Variants in IL1R2 observed in about 807,000 individuals in gnomAD.
The protein encoded by IL1R2 is interleukin-1 receptor type 2.
Under a neutral mutation model 39.5 loss-of-function variants are expected in IL1R2, and 46 were observed. The ratio of observed to expected loss-of-function variants is 1.16; its 90% CI spans 0.92 to 1.49. The LOEUF is 1.49. IL1R2 is among the 40% of genes most tolerant of loss of function. The pLI, the probability that IL1R2 is intolerant of heterozygous loss-of-function variation, is 0.00. For synonymous variants in IL1R2, 207 were observed against 189.6 expected, an observed-to-expected ratio of 1.09 and a Z score of -0.75; for missense variants, 537 against 502.0, an observed-to-expected ratio of 1.07 and a Z score of -0.67.
rs927779010 is a variant in IL1R2, at chr2:102,003,132, G to C, written c.-61-5383G>C. 4.3e-5 allele frequency among the ~76,000 whole-genome samples: 5 copies of C among 117,418 alleles called. 1 individual carries two copies. The highest frequency in any genetic ancestry group is 1.3e-4 in the African/African-American group (5 of 37,796). The allele number at this position is 117,418 out of a possible 152,430, so 77.0% of individuals were successfully genotyped here. ...TATGTCTGTGTCTGTGTCTCTGTCTGTGTCTATGTCTGTGTCTGTGTCTCT... is the reference window on the plus strand; with the variant it reads ...TATGTCTGTGTCTGTGTCTCTGTCTCTGTCTATGTCTGTGTCTGTGTCTCT... On this transcript the variant is annotated intron_variant, in intron 1 of 8. Coordinates refer to ENST00000332549, the MANE Select transcript of IL1R2 (RefSeq NM_004633.4).
At chr2:102,004,300 T>C (rs1676127308) in intron 1 of IL1R2, among the ~76,000 whole-genome samples, 1 of 151,932 alleles carries the variant, frequency 6.6e-6, no homozygotes, top group Non-Finnish European at 1.5e-5. Context: ...CAGGTAACGG[T>C]TACCTGGGCC....
At chr2:102,003,753 T>A (rs1676072064) in intron 1 of IL1R2, among the ~76,000 whole-genome samples, 1 of 152,040 alleles carries the variant, frequency 6.6e-6, no homozygotes, top group Admixed American at 6.5e-5. Context: ...GGTGTCTGTG[T>A]CTGTGTCTAG....
intron 1 of IL1R2, among the ~76,000 whole-genome samples, chr2:101,992,508 C>T (rs1314196322): frequency 7.5e-6 from 1 of 133,322 alleles, no homozygotes. Context: ...TGGAGAGAGA[C>T]AGAGAGAGGC....
At chr2:102,014,915 A>C (rs1433115450) in intron 3 of IL1R2, among the ~76,000 whole-genome samples, 1 of 150,504 alleles carries the variant, frequency 6.6e-6, no homozygotes, top group Non-Finnish European at 1.5e-5. Context: ...TCTTGATAGA[A>C]TTATGGCAGT....
At chr2:102,002,753 T>TCTATAC (rs1192925120) in intron 1 of IL1R2, among the ~76,000 whole-genome samples, 4 of 146,054 alleles carry the variant, frequency 2.7e-5, no homozygotes, top group African/African-American at 1.1e-4. Flanking sequence ...TATGTCTATA[T>TCTATAC]CTATATCTAT....
Position 101,996,432 on chromosome 2 carries a change from G to A in IL1R2, c.-62+4421G>A, listed in dbSNP as rs1675589663. On this transcript the variant is annotated intron_variant, in intron 1 of 8. Transcript: ENST00000332549. ...TGAAGATCAGGTTTTCTTTTGCTGA[G>A]GGTGAGAGATTTTCCCACACAGTAG... 2.6e-5 allele frequency among the ~76,000 whole-genome samples: 4 copies of A among 151,560 alleles called. No homozygotes were observed. In the South Asian group the frequency reaches 8.3e-4, roughly 32 times the overall value.
chr2:101,994,723 C>T (rs114384080), intron 1 of IL1R2, among the ~76,000 whole-genome samples: 2,299 of 152,248 alleles, frequency 0.015, 59 homozygotes, highest in African/African-American at 0.053. Flanking sequence ...TCCTGAGGGT[C>T]TTGTGAATAT....
intron 1 of IL1R2, among the ~76,000 whole-genome samples, chr2:102,002,315 TG>T (rs1675905868): frequency 8.5e-6 from 1 of 117,496 alleles, no homozygotes; most frequent in East Asian, 4.1e-4. Context: ...TGTCTGTGTC[TG>T]TGTCTGTGTC....
chr2:102,001,635 T>C (rs1333144837), intron 1 of IL1R2, among the ~76,000 whole-genome samples: 1 of 152,228 alleles, frequency 6.6e-6, no homozygotes, highest in African/African-American at 2.4e-5. Context: ...AGCACATTTT[T>C]CAATAAAAGC....
At chr2:102,013,178 A>G (rs2110562) in intron 3 of IL1R2, among the ~76,000 whole-genome samples, 94,747 of 151,976 alleles carry the variant, frequency 0.62, 30,753 homozygotes, top group African/African-American at 0.79. Context: ...AGGAAAAAAA[A>G]AGCTGAGATT....
intron 3 of IL1R2, among the ~76,000 whole-genome samples, chr2:102,013,576 G>GAAAAAAAAAA (rs1559421494): frequency 1.8e-5 from 1 of 54,720 alleles, no homozygotes; most frequent in Non-Finnish European, 4.0e-5. Flanking sequence ...AGAAAAGAAG[G>GAAAAAAAAAA]AAAAGAAAAA....
intron 4 of IL1R2, among the ~76,000 whole-genome samples, chr2:102,018,530 C>T (rs954233853): frequency 6.6e-6 from 1 of 152,224 alleles, no homozygotes; most frequent in African/African-American, 2.4e-5. Context: ...AATAAATGTG[C>T]ATGGACAAAG....
Position 102,008,539 on chromosome 2 carries a change from C to T in IL1R2, c.-37C>T, listed in dbSNP as rs374091195. 110 of 1,581,854 alleles carry T rather than the reference C, an allele frequency of 7.0e-5. No homozygotes were observed. In the African/African-American group the frequency reaches 1.3e-3, roughly 19 times the overall value. The stretch of plus-strand genomic sequence containing the variant: ...GGCCACGTGCTGCTGGGTCTCAGTC[C>T]TCCACTTCCCGTGTCCTCTGGAAGT... On this transcript the variant is annotated 5_prime_UTR_variant, in exon 2 of 9. Transcript: ENST00000332549.
chr2:102,009,836 C>T lies in IL1R2; in HGVS notation c.332+10C>T. 1 of 1,613,406 alleles carries T rather than the reference C, an allele frequency of 6.2e-7. No individual in the cohort carries two copies. The highest frequency in any genetic ancestry group is 1.1e-5 in the South Asian group (1 of 91,060). On this transcript the variant is annotated intron_variant, in intron 3 of 8. Transcript: ENST00000332549. Reference sequence around the variant, plus strand: ...ACGTCTGCACTACTAGGTAAGTCTCCCTGTGCGGGGCTGGGGAGGGGATCC... The same window carrying T: ...ACGTCTGCACTACTAGGTAAGTCTCTCTGTGCGGGGCTGGGGAGGGGATCC...
At chr2:101,995,116 C>G (rs1016964758) in intron 1 of IL1R2, among the ~76,000 whole-genome samples, 2 of 152,110 alleles carry the variant, frequency 1.3e-5, no homozygotes, top group Non-Finnish European at 2.9e-5. Context: ...AATTTAGGTT[C>G]TCAATCAGTT....
chr2:101,996,656 T>C (rs1237649962), intron 1 of IL1R2, among the ~76,000 whole-genome samples: 3 of 151,672 alleles, frequency 2.0e-5, no homozygotes, highest in African/African-American at 4.8e-5. Flanking sequence ...GAAAATCCCA[T>C]CTGTTTTGAC....
chr2:102,016,057 G>T lies in IL1R2; in HGVS notation c.513+6G>T. ...TGAAGATTCAATGGTACAAGGTACGGCTTTAAAAAATGCCATTTTACTAAA... is the reference window on the plus strand; with the variant it reads ...TGAAGATTCAATGGTACAAGGTACGTCTTTAAAAAATGCCATTTTACTAAA... On this transcript the variant is annotated splice_donor_region_variant and intron_variant, in intron 4 of 8. Transcript: ENST00000332549. 6.3e-7 allele frequency: 1 copy of T among 1,585,564 alleles called. No individual in the cohort carries two copies.
intron 1 of IL1R2, among the ~76,000 whole-genome samples, chr2:102,003,126 CTGTCTGTGTCTA>C (rs1401207206): frequency 1.1e-5 from 1 of 93,468 alleles, no homozygotes; most frequent in Non-Finnish European, 2.6e-5. Flanking sequence ...GTCTGTGTCT[CTGTCTGTGTCTA>C]TGTCTGTGTC....
At chr2:102,024,479 G>A in intron 6 of IL1R2, 54 bp from the exon 7 acceptor site, 1 of 1,327,164 alleles carries the variant, frequency 7.5e-7, no homozygotes, top group Non-Finnish European at 1.1e-6. Context: ...AGGTTTGCTG[G>A]TGGGTGGGAG....
Sources: gnomAD v4.1 joint callset for allele counts (sites outside exome capture counted in the v4.1 genomes callset) on GRCh38, gnomAD v4.1.1 for gene constraint, MANE v1.5 for transcripts, NCBI Gene and HGNC (gene_info 2026-07-23, HGNC 2026-07-21) for gene names.